The following RBM20 variants were observed in gnomAD, a reference collection of about 807,000 sequenced individuals.
RBM20 encodes RNA binding motif protein 20, also known as RNA-binding protein 20.
Under a neutral mutation model 110.1 loss-of-function variants are expected in RBM20, and 51 were observed. The observed-to-expected ratio is 0.46, with a 90% confidence interval of 0.37 to 0.59. The LOEUF (loss-of-function observed/expected upper bound fraction) is 0.59, where lower values mean the gene tolerates loss of function less well. Among genes scored for constraint, RBM20 ranks in the 20% least tolerant of loss-of-function variants. RBM20 has a pLI of 0.00. For synonymous variants in RBM20, 589 were observed against 618.2 expected, an observed-to-expected ratio of 0.95 and a Z score of 0.70; for missense variants, 1,512 against 1,574.9, an observed-to-expected ratio of 0.96 and a Z score of 0.68.
chr10:110,761,438 T>C (rs1844001586), intron 1 of RBM20, among the ~76,000 whole-genome samples: 1 of 150,884 alleles, frequency 6.6e-6, no homozygotes, highest in Non-Finnish European at 1.5e-5. Context: ...AGTAAATGAA[T>C]AGTAAATATC....
rs529450122 is a variant in RBM20, at chr10:110,684,277, C to T, written c.191+39632C>T. On this transcript the variant is annotated intron_variant, in intron 1 of 13. Coordinates refer to ENST00000369519, the MANE Select transcript of RBM20 (RefSeq NM_001134363.3). Reference sequence around the variant, plus strand: ...GGGTGTGGTGGAGCACACCTGTAGTCCCACTACTCAGGAGGCTGAGGCAGG... The same window carrying T: ...GGGTGTGGTGGAGCACACCTGTAGTTCCACTACTCAGGAGGCTGAGGCAGG... Among the ~76,000 whole-genome samples the T allele has an allele frequency of 6.6e-5, 10 of 152,210 alleles. No individual in the cohort carries two copies. In the South Asian group the frequency reaches 1.9e-3, roughly 28 times the overall value.
chr10:110,716,843 G>T (rs1004022870), intron 1 of RBM20, among the ~76,000 whole-genome samples: 1 of 151,846 alleles, frequency 6.6e-6, no homozygotes, highest in South Asian at 2.1e-4. Flanking sequence ...CGGGAACCTG[G>T]GAGGTGGAGC....
chr10:110,653,756 A>G (rs750197139), intron 1 of RBM20, among the ~76,000 whole-genome samples: 2 of 152,138 alleles, frequency 1.3e-5, no homozygotes, highest in Non-Finnish European at 2.9e-5. Flanking sequence ...GGGTTTCACC[A>G]TGTTGCCCAG....
In RBM20 at chr10:110,821,259, C is replaced by A; in HGVS notation, c.2656-16C>A. 1.3e-6 allele frequency: 2 copies of A among 1,546,724 alleles called. No individual in the cohort carries two copies. The highest frequency in any genetic ancestry group is 1.7e-6 in the Non-Finnish European group (2 of 1,143,226). On this transcript the variant is annotated splice_polypyrimidine_tract_variant and intron_variant, in intron 10 of 13. Coordinates refer to ENST00000369519, the MANE Select transcript of RBM20 (RefSeq NM_001134363.3). ...TCTCAACCACCCTCTGACCTCCATTCTGCATTTTTGTACAGGAACAAGATT... is the reference window on the plus strand; with the variant it reads ...TCTCAACCACCCTCTGACCTCCATTATGCATTTTTGTACAGGAACAAGATT...
At chr10:110,718,185 G>A (rs966299108) in intron 1 of RBM20, among the ~76,000 whole-genome samples, 1 of 152,162 alleles carries the variant, frequency 6.6e-6, no homozygotes, top group East Asian at 1.9e-4. Flanking sequence ...TTTTGTTTCA[G>A]CAACTTTGGG....
At chr10:110,833,813 C>G (rs1353679143) in intron 13 of RBM20, among the ~76,000 whole-genome samples, 1 of 152,178 alleles carries the variant, frequency 6.6e-6, no homozygotes, top group Non-Finnish European at 1.5e-5. Flanking sequence ...TGTAGCTTTA[C>G]CTGGTGCACC....
At chr10:110,773,197 A>G (rs1844216940) in intron 1 of RBM20, among the ~76,000 whole-genome samples, 1 of 152,222 alleles carries the variant, frequency 6.6e-6, no homozygotes, top group Non-Finnish European at 1.5e-5. Context: ...CCTAGGCACT[A>G]TTTTATAAAT....
At chr10:110,720,287 G>A (rs1025030764) in intron 1 of RBM20, among the ~76,000 whole-genome samples, 5 of 152,178 alleles carry the variant, frequency 3.3e-5, no homozygotes, top group Non-Finnish European at 7.4e-5. Context: ...TGCCAAGGAG[G>A]TTGGCACAAT....
chr10:110,752,945 A>T (rs11195306), intron 1 of RBM20, among the ~76,000 whole-genome samples: 49,758 of 109,028 alleles, frequency 0.46, 12,075 homozygotes, highest in Non-Finnish European at 0.53. Context: ...ATATATATAT[A>T]TTTTTTTTTT....
chr10:110,643,998 G>A (rs1337073999), upstream of RBM20, among the ~76,000 whole-genome samples: 4 of 152,162 alleles, frequency 2.6e-5, no homozygotes, highest in East Asian at 1.9e-4. Context: ...CAGGGCTCCC[G>A]GGTGGAGCGA....
rs375626512 is a variant in RBM20 at position 110,797,639 on chromosome 10, G to A, written c.1659G>A (p.Ser553=). 253 of 1,551,742 alleles carry A rather than the reference G, an allele frequency of 1.6e-4. No homozygotes were observed. Among genetic ancestry groups the A allele is most frequent in the African/African-American group, 1.3e-3 (97 of 73,148 alleles). ...GKVTNYILMK[S]TNQAFLEMAY... The stretch of plus-strand genomic sequence containing the variant: ...TCACTAATTACATCCTCATGAAGTC[G>A]ACTAATCAGGTAGGTCTGGGTACTT... The change falls in exon 6 of 14, where the codon TCG becomes TCA. Residue 553 remains serine (S), a synonymous_variant. Coordinates refer to ENST00000369519, the MANE Select transcript of RBM20 (RefSeq NM_001134363.3).
chr10:110,742,012 C>T (rs1261950329), intron 1 of RBM20, among the ~76,000 whole-genome samples: 1 of 152,198 alleles, frequency 6.6e-6, no homozygotes, highest in Non-Finnish European at 1.5e-5. Context: ...ATGTAGTGGA[C>T]TGAAAGTTGA....
chr10:110,673,234 C>T (rs146860990), intron 1 of RBM20, among the ~76,000 whole-genome samples: 5,269 of 151,166 alleles, frequency 0.035, 310 homozygotes, highest in African/African-American at 0.12. Flanking sequence ...TTTTCTGAGA[C>T]GGAGTCTTGT....
intron 1 of RBM20, among the ~76,000 whole-genome samples, chr10:110,752,537 A>G (rs939515748): frequency 6.6e-6 from 1 of 152,204 alleles, no homozygotes; most frequent in African/African-American, 2.4e-5. Context: ...GAACACATGT[A>G]TGGATTTTTG....
intron 12 of RBM20, among the ~76,000 whole-genome samples, chr10:110,828,457 G>A (rs1418873881): frequency 7.9e-5 from 12 of 151,406 alleles, no homozygotes; most frequent in Admixed American, 4.6e-4. Context: ...TGAACTTGCA[G>A]AGCAGGGGCC....
chr10:110,757,786 C>T (rs983309538), intron 1 of RBM20, among the ~76,000 whole-genome samples: 2 of 152,192 alleles, frequency 1.3e-5, no homozygotes, highest in African/African-American at 4.8e-5. Flanking sequence ...TCCGTCAGCA[C>T]TCAGCCTCCC....
At chr10:110,690,246 A>C (rs2134875244) in intron 1 of RBM20, among the ~76,000 whole-genome samples, 1 of 152,212 alleles carries the variant, frequency 6.6e-6, no homozygotes, top group East Asian at 1.9e-4. Context: ...TGTCTACTAA[A>C]AAAATTTAAA....
intron 1 of RBM20, among the ~76,000 whole-genome samples, chr10:110,697,144 C>T (rs58349862): frequency 0.3 from 44,943 of 151,958 alleles, 6,794 homozygotes; most frequent in East Asian, 0.34. Flanking sequence ...TTTTTTTAAG[C>T]TCATTGCTCA....
chr10:110,823,684 G>A lies in RBM20; in HGVS notation c.3451+70G>A, dbSNP rs1844946756. The A allele has an allele frequency of 2.7e-6, 4 of 1,479,912 alleles. No homozygotes were observed. In the South Asian group the frequency reaches 3.8e-5, roughly 14 times the overall value. 91.7% of individuals were successfully genotyped at this position (1,479,912 alleles called of 1,614,324 possible). A position where few individuals can be genotyped will look rare whatever the true frequency, so the allele number is the denominator to read the frequency against. On this transcript the variant is annotated intron_variant, in intron 12 of 13. Transcript: ENST00000369519. ...TAACAGTTCCATAGCAACCTCAAGA[G>A]CTTGAGAGAGCTTTTTGGCATTTTG...
Sources: allele counts gnomAD v4.1 joint callset (sites outside exome capture counted in the v4.1 genomes callset), GRCh38; gene constraint gnomAD v4.1.1; transcripts MANE v1.5; gene names NCBI Gene and HGNC (gene_info 2026-07-23, HGNC 2026-07-21).